Variants in CRTC3 observed in about 807,000 individuals in gnomAD.
The protein encoded by CRTC3 is CREB regulated transcription coactivator 3.
In CRTC3, 26 loss-of-function variants were observed where a neutral mutation model predicts 74.5. The ratio of observed to expected loss-of-function variants is 0.35; its 90% CI spans 0.26 to 0.48. CRTC3 has a LOEUF of 0.48. Ranked by LOEUF, CRTC3 falls within the 20% of genes least tolerant of loss-of-function variation. The pLI is 0.99. For synonymous variants in CRTC3, 377 were observed against 325.8 expected, an observed-to-expected ratio of 1.16 and a Z score of -1.69; for missense variants, 760 against 787.3, an observed-to-expected ratio of 0.97 and a Z score of 0.41.
chr15:90,634,979 C>G lies in CRTC3; in HGVS notation c.1267-3467C>G, dbSNP rs373716816. On this transcript the variant is annotated intron_variant, in intron 11 of 14. Transcript: ENST00000268184. ...GAGGCACCAAAGTAGTTCTAGATGA[C>G]AAGGATTATTTCCTATTTAGAGATG... 9.9e-5 allele frequency: 143 copies of G among 1,438,522 alleles called. No homozygotes were observed. In the African/African-American group the frequency reaches 1.5e-3, roughly 15 times the overall value. 89.1% of individuals were successfully genotyped at this position (1,438,522 alleles called of 1,614,324 possible).
chr15:90,614,421 G>A, intron 6 of CRTC3, 32 bp from the exon 7 acceptor site: 1 of 1,543,910 alleles, frequency 6.5e-7, no homozygotes, highest in Non-Finnish European at 8.9e-7. Context: ...ACATAAAAGT[G>A]TTTTCTTTTT....
chr15:90,605,464 T>C (rs1273564071), intron 5 of CRTC3, among the ~76,000 whole-genome samples: 1 of 152,184 alleles, frequency 6.6e-6, no homozygotes, highest in Non-Finnish European at 1.5e-5. Context: ...CGAGAACCTT[T>C]TTTAAAAAAC....
At position 90,614,449 on chromosome 15, in the gene CRTC3, C is replaced by T. The variant is rs776940446; in HGVS notation, c.578-4C>T. 4.2e-5 allele frequency: 68 copies of T among 1,606,120 alleles called. 2 individuals carry two copies. The South Asian group carries it at 7.3e-4, about 17-fold the overall frequency. On this transcript the variant is annotated splice_polypyrimidine_tract_variant and splice_region_variant and intron_variant, in intron 6 of 14. Coordinates refer to ENST00000268184, the MANE Select transcript of CRTC3 (RefSeq NM_022769.5). ...TTCTTTTTTTCTTTTTCCTTTCCCG[C>T]TAGGTTTCTGTGATGGTGAGAATAA... is the stretch of plus-strand genomic sequence containing the variant.
chr15:90,638,306 C>T (rs1969312100), intron 11 of CRTC3, 140 bp from the exon 12 acceptor site: 2 of 642,036 alleles, frequency 3.1e-6, no homozygotes, highest in East Asian at 5.5e-5. Flanking sequence ...GGATGAGAAA[C>T]GGGCTTCTCA....
intron 1 of CRTC3, among the ~76,000 whole-genome samples, chr15:90,537,311 T>C (rs1346620218): frequency 6.6e-6 from 1 of 152,262 alleles, no homozygotes; most frequent in Non-Finnish European, 1.5e-5. Flanking sequence ...CTTTATCTTG[T>C]GCAGGAGGCG....
intron 6 of CRTC3, among the ~76,000 whole-genome samples, chr15:90,608,401 A>G (rs1229146218): frequency 1.3e-5 from 2 of 152,084 alleles, no homozygotes; most frequent in African/African-American, 4.8e-5. Context: ...CAAGGTAGCC[A>G]TGCGAACCAC....
chr15:90,545,689 G>T (rs1261606710), intron 2 of CRTC3, among the ~76,000 whole-genome samples: 1 of 152,056 alleles, frequency 6.6e-6, no homozygotes, highest in Non-Finnish European at 1.5e-5. Flanking sequence ...CAATTCTCCT[G>T]CCTCAGCCTC....
chr15:90,639,404 C>A (rs571970345), intron 13 of CRTC3, among the ~76,000 whole-genome samples: 1 of 150,698 alleles, frequency 6.6e-6, no homozygotes, highest in Non-Finnish European at 1.5e-5. Context: ...CTGGGCCCTC[C>A]GATGGATTAA....
intron 9 of CRTC3, 72 bp downstream of exon 9, chr15:90,619,862 G>A: frequency 7.8e-7 from 1 of 1,284,896 alleles, no homozygotes; most frequent in Non-Finnish European, 1.1e-6. Flanking sequence ...TCGCTGCTTT[G>A]TTACAGAACT....
intron 2 of CRTC3, among the ~76,000 whole-genome samples, chr15:90,551,428 A>G (rs1486875922): frequency 1.3e-5 from 2 of 152,080 alleles, no homozygotes; most frequent in East Asian, 1.9e-4. Context: ...ATTGTATTTA[A>G]TTAAGATTAA....
chr15:90,556,519 A>G (rs1052141675), intron 2 of CRTC3, among the ~76,000 whole-genome samples: 3 of 152,248 alleles, frequency 2.0e-5, no homozygotes, highest in African/African-American at 4.8e-5. Context: ...AGTTCATGAC[A>G]TAAAGTAGTT....
intron 2 of CRTC3, among the ~76,000 whole-genome samples, chr15:90,590,182 A>G (rs1596106007): frequency 6.6e-6 from 1 of 151,788 alleles, no homozygotes; most frequent in East Asian, 1.9e-4. Context: ...AATCCCAGCT[A>G]CTGGGGAGGC....
intron 2 of CRTC3, among the ~76,000 whole-genome samples, chr15:90,557,544 C>T (rs1231569615): frequency 6.6e-6 from 1 of 152,166 alleles, no homozygotes; most frequent in Non-Finnish European, 1.5e-5. Flanking sequence ...CGTACATCTG[C>T]ACATCTGGAC....
intron 10 of CRTC3, among the ~76,000 whole-genome samples, chr15:90,627,861 G>A (rs1260774110): frequency 7.4e-5 from 8 of 107,926 alleles, no homozygotes; most frequent in Admixed American, 5.4e-4. Flanking sequence ...TGATCCACCC[G>A]CCTCGGCCTC....
chr15:90,603,187 T>G (rs992577880), intron 4 of CRTC3, among the ~76,000 whole-genome samples: 1 of 152,052 alleles, frequency 6.6e-6, no homozygotes, highest in Admixed American at 6.6e-5. Flanking sequence ...CTCATGCCTG[T>G]AATCCCAGCA....
intron 2 of CRTC3, among the ~76,000 whole-genome samples, chr15:90,549,183 T>TCAGAAAC (rs1267729616): frequency 2.0e-5 from 3 of 152,224 alleles, no homozygotes; most frequent in African/African-American, 7.2e-5. Flanking sequence ...TCAATGGTTT[T>TCAGAAAC]CAGAAACAGT....
chr15:90,642,580 G>A lies in CRTC3; in HGVS notation c.*440G>A. On this transcript the variant is annotated 3_prime_UTR_variant, in exon 15 of 15. Transcript: ENST00000268184. Reference sequence around the variant, plus strand: ...GGCCTGGGGCGGCGGCACCGGAGAGGGCACCTCGATGCCTGCTCTGACCTG... The same window carrying A: ...GGCCTGGGGCGGCGGCACCGGAGAGAGCACCTCGATGCCTGCTCTGACCTG... 1 of 311,980 alleles carries A rather than the reference G, an allele frequency of 3.2e-6. No homozygotes were observed. The highest frequency in any genetic ancestry group is 5.6e-5 in the South Asian group (1 of 17,840). The allele number at this position is 311,980 out of a possible 1,614,324, so 19.3% of individuals were successfully genotyped here. A position where few individuals can be genotyped will look rare whatever the true frequency, so the allele number is the denominator to read the frequency against.
At chr15:90,535,183 AAGTG>A (rs1428610682) in intron 1 of CRTC3, among the ~76,000 whole-genome samples, 44 of 151,854 alleles carry the variant, frequency 2.9e-4, no homozygotes, top group Admixed American at 2.9e-3. Context: ...AAAAAAAAGA[AAGTG>A]AACCATGAGG....
intron 7 of CRTC3, among the ~76,000 whole-genome samples, chr15:90,617,177 C>T (rs535380594): frequency 2.0e-5 from 3 of 152,338 alleles, no homozygotes; most frequent in East Asian, 1.9e-4. Context: ...AGGGCTCCCC[C>T]CAGTGCCCAG....
Sources: allele counts gnomAD v4.1 joint callset (sites outside exome capture counted in the v4.1 genomes callset), GRCh38; gene constraint gnomAD v4.1.1; transcripts MANE v1.5; gene names NCBI Gene and HGNC (gene_info 2026-07-23, HGNC 2026-07-21).